MGAT5: variants seen among roughly 807,000 people sequenced by gnomAD.
The protein encoded by MGAT5 is alpha-1,6-mannosylglycoprotein 6-beta-N-acetylglucosaminyltransferase A.
In MGAT5, 30 loss-of-function variants were observed where a neutral mutation model predicts 94.3. That is an observed-to-expected ratio of 0.32 (90% CI 0.24 to 0.43). MGAT5 has a LOEUF of 0.43. Among genes scored for constraint, MGAT5 ranks in the 20% least tolerant of loss-of-function variants. MGAT5 has a pLI of 1.00. For synonymous variants in MGAT5, 310 were observed against 322.9 expected (o/e 0.96, Z 0.43); for missense variants, 691 against 905.5 (o/e 0.76, Z 3.04).
At chr2:134,153,223 G>A (rs1253096096) in intron 1 of MGAT5, among the ~76,000 whole-genome samples, 1 of 152,136 alleles carries the variant, frequency 6.6e-6, no homozygotes, top group Non-Finnish European at 1.5e-5. Context: ...CCGGGCCAGA[G>A]TCCACATTTT....
At chr2:134,436,164 T>C (rs1375029610) in intron 14 of MGAT5, among the ~76,000 whole-genome samples, 2 of 152,242 alleles carry the variant, frequency 1.3e-5, no homozygotes, top group African/African-American at 4.8e-5. Flanking sequence ...GAAGGACAGA[T>C]GGCATCATCC....
chr2:134,141,384 T>C (rs570405557), intron 1 of MGAT5, among the ~76,000 whole-genome samples: 33 of 152,276 alleles, frequency 2.2e-4, no homozygotes, highest in African/African-American at 7.0e-4. Flanking sequence ...TTGTCTGTCT[T>C]ATTAGCTATT....
At chr2:134,120,501 A>T (rs1046568300) in intron 1 of MGAT5, among the ~76,000 whole-genome samples, 24 of 151,420 alleles carry the variant, frequency 1.6e-4, no homozygotes, top group African/African-American at 5.8e-4. Flanking sequence ...AGGACGCCGG[A>T]GTGGAGCCGG....
chr2:134,334,496 CT>C (rs59933611), intron 4 of MGAT5, among the ~76,000 whole-genome samples: 42 of 34,108 alleles, frequency 1.2e-3, no homozygotes, highest in Admixed American at 6.8e-3. Context: ...CTTGCTCATC[CT>C]TTTTTTTTTT....
intron 1 of MGAT5, among the ~76,000 whole-genome samples, chr2:134,194,578 T>G (rs1679404951): frequency 1.3e-5 from 2 of 152,182 alleles, no homozygotes; most frequent in Non-Finnish European, 2.9e-5. Context: ...AATCTTTTGC[T>G]CACACTCTAG....
At chr2:134,216,718 T>C (rs1000272218) in intron 1 of MGAT5, among the ~76,000 whole-genome samples, 2 of 152,202 alleles carry the variant, frequency 1.3e-5, no homozygotes, top group Non-Finnish European at 2.9e-5. Flanking sequence ...TGGTATCAAT[T>C]TTTATGCTGC....
intron 2 of MGAT5, among the ~76,000 whole-genome samples, chr2:134,301,248 T>A (rs1157584853): frequency 1.3e-5 from 2 of 152,184 alleles, no homozygotes; most frequent in African/African-American, 2.4e-5. Context: ...TGTATGAACA[T>A]ACCATAATTG....
chr2:134,168,303 G>C (rs1474801335), intron 1 of MGAT5, among the ~76,000 whole-genome samples: 2 of 152,148 alleles, frequency 1.3e-5, no homozygotes, highest in East Asian at 3.9e-4. Flanking sequence ...CTTGGTTGCT[G>C]TCACACAGTT....
rs1687804467 is a variant in MGAT5, at chr2:134,162,913, T to C, written c.-143+42622T>C. On this transcript the variant is annotated intron_variant, in intron 1 of 16. Coordinates refer to the MGAT5 transcript ENST00000409645. Reference sequence around the variant, plus strand: ...GTGTATTGAAGTGGGATGACCTTAGTGGTCTGAGAATCTACTGTTGGAATA... The same window carrying C: ...GTGTATTGAAGTGGGATGACCTTAGCGGTCTGAGAATCTACTGTTGGAATA... 2.0e-5 allele frequency among the ~76,000 whole-genome samples: 3 copies of C among 152,316 alleles called. No individual in the cohort carries two copies. In the South Asian group the frequency reaches 6.2e-4, roughly 32 times the overall value.
intron 1 of MGAT5, among the ~76,000 whole-genome samples, chr2:134,231,719 G>A (rs557149427): frequency 1.5e-4 from 23 of 152,314 alleles, no homozygotes; most frequent in South Asian, 8.3e-4. Context: ...GCTTGGTTGA[G>A]TAGCTCTCTA....
intron 9 of MGAT5, among the ~76,000 whole-genome samples, chr2:134,350,760 A>G (rs1012487010): frequency 2.6e-4 from 40 of 152,198 alleles, no homozygotes; most frequent in African/African-American, 9.4e-4. Flanking sequence ...AGTCCTTAGT[A>G]ATGAGATGAA....
intron 14 of MGAT5, among the ~76,000 whole-genome samples, chr2:134,436,554 GC>G (rs917248498): frequency 5.3e-5 from 8 of 152,144 alleles, no homozygotes; most frequent in African/African-American, 1.9e-4. Flanking sequence ...GGGCATATCA[GC>G]CCTGCAGTGC....
intron 4 of MGAT5, among the ~76,000 whole-genome samples, chr2:134,333,529 A>G (rs1244970073): frequency 6.6e-6 from 1 of 151,890 alleles, no homozygotes; most frequent in African/African-American, 2.4e-5. Context: ...GCACATGTAT[A>G]CATATGTACC....
intron 14 of MGAT5, among the ~76,000 whole-genome samples, chr2:134,438,027 A>AG (rs1164495741): frequency 6.6e-6 from 1 of 152,048 alleles, no homozygotes; most frequent in Non-Finnish European, 1.5e-5. Flanking sequence ...AAAAAAAAAA[A>AG]AAAGATTTAC....
chr2:134,265,928 G>A (rs2105600480), intron 1 of MGAT5, among the ~76,000 whole-genome samples: 1 of 152,144 alleles, frequency 6.6e-6, no homozygotes, highest in Middle Eastern at 3.4e-3. Flanking sequence ...CGAGCATTTT[G>A]GGAGGCTGAG....
chr2:134,392,692 TC>T (rs1398108203), intron 10 of MGAT5, among the ~76,000 whole-genome samples: 1 of 152,344 alleles, frequency 6.6e-6, no homozygotes, highest in Admixed American at 6.5e-5. Flanking sequence ...AGTGGACACA[TC>T]CATCATCATG....
intron 8 of MGAT5, among the ~76,000 whole-genome samples, chr2:134,348,863 C>G (rs958862882): frequency 1.3e-5 from 2 of 152,158 alleles, no homozygotes; most frequent in African/African-American, 4.8e-5. Context: ...ACTGGTTGCT[C>G]TTCGTGCACT....
intron 1 of MGAT5, among the ~76,000 whole-genome samples, chr2:134,176,618 A>G (rs1485295580): frequency 6.6e-6 from 1 of 151,892 alleles, no homozygotes; most frequent in Non-Finnish European, 1.5e-5. Flanking sequence ...AAGAACTGAT[A>G]AGAATAAACG....
chr2:134,276,776 AG>A (rs1269158829), intron 2 of MGAT5, among the ~76,000 whole-genome samples: 1 of 152,192 alleles, frequency 6.6e-6, no homozygotes, highest in African/African-American at 2.4e-5. Flanking sequence ...AATGGGTGAG[AG>A]AGACTGCATT....
Sources: gnomAD v4.1 joint callset for allele counts (sites outside exome capture counted in the v4.1 genomes callset) on GRCh38, gnomAD v4.1.1 for gene constraint, MANE v1.5 for transcripts, NCBI Gene and HGNC (gene_info 2026-07-23, HGNC 2026-07-21) for gene names.